Variants in NAA25 observed in about 807,000 individuals in gnomAD.
NAA25 encodes the protein N-alpha-acetyltransferase 25, NatB auxiliary subunit, also known as N-terminal acetyltransferase B complex subunit NAA25.
NAA25 carries 30 observed loss-of-function variants against 132.5 expected under a neutral mutation model. The observed-to-expected ratio is 0.23, with a 90% CI of 0.17 to 0.31. NAA25 has a LOEUF of 0.31. Among genes scored for constraint, NAA25 ranks in the 10% least tolerant of loss-of-function variants. The probability of loss-of-function intolerance (pLI) is 1.00; values close to 1 mark genes in which losing one functional copy is unlikely to be tolerated. For missense variants in NAA25, 771 were observed against 1,150.4 expected (o/e 0.67, Z 4.77); for synonymous variants, 359 against 401.9 (o/e 0.89, Z 1.28).
intron 1 of NAA25, 67 bp downstream of exon 1, chr12:112,108,649 C>T (rs1245864193): frequency 2.3e-5 from 32 of 1,367,052 alleles, no homozygotes; most frequent in Non-Finnish European, 3.0e-5. Flanking sequence ...CCCTCCTGGG[C>T]TTTCGCCCCA....
At chr12:112,098,119 C>CAAAAAA (rs60232542) in intron 1 of NAA25, among the ~76,000 whole-genome samples, 3 of 54,152 alleles carry the variant, frequency 5.5e-5, no homozygotes, top group African/African-American at 1.8e-4. Context: ...GACTCCATCT[C>CAAAAAA]AAAAAAAAAA....
chr12:112,067,904 T>C (rs532754463), intron 11 of NAA25, among the ~76,000 whole-genome samples: 7 of 151,890 alleles, frequency 4.6e-5, no homozygotes, highest in African/African-American at 1.7e-4. Flanking sequence ...CCCAGCTAAT[T>C]TTTTGTATTT....
chr12:112,096,093 T>C (rs2079209551), intron 1 of NAA25, among the ~76,000 whole-genome samples: 1 of 152,232 alleles, frequency 6.6e-6, no homozygotes, highest in Admixed American at 6.5e-5. Flanking sequence ...GGGAACTCTG[T>C]ACTTTCTACT....
At chr12:112,072,142 T>A in intron 9 of NAA25, 78 bp from the exon 10 acceptor site, 1 of 1,196,970 alleles carries the variant, frequency 8.4e-7, no homozygotes, top group African/African-American at 1.5e-5. Flanking sequence ...CCAAACTCAT[T>A]TAAAAAGAGA....
intron 5 of NAA25, among the ~76,000 whole-genome samples, chr12:112,079,998 G>A (rs1266807171): frequency 6.6e-6 from 1 of 151,846 alleles, no homozygotes; most frequent in Non-Finnish European, 1.5e-5. Flanking sequence ...GAATACTCAA[G>A]GGCCAGGCGC....
At chr12:112,073,866 G>A (rs1044324278) in intron 9 of NAA25, among the ~76,000 whole-genome samples, 1 of 151,998 alleles carries the variant, frequency 6.6e-6, no homozygotes, top group African/African-American at 2.4e-5. Context: ...CATCAATAGG[G>A]AAAATGCTAA....
chr12:112,104,165 G>A (rs2079330571), intron 1 of NAA25, among the ~76,000 whole-genome samples: 1 of 152,164 alleles, frequency 6.6e-6, no homozygotes, highest in Non-Finnish European at 1.5e-5. Flanking sequence ...CCTGATCCAG[G>A]CTAATCCAAG....
At chr12:112,071,841 G>C in intron 10 of NAA25, 54 bp downstream of exon 10, 2 of 1,127,882 alleles carry the variant, frequency 1.8e-6, no homozygotes, top group Non-Finnish European at 2.3e-6. Context: ...AATGAATATA[G>C]CACTTGGGTA....
intron 6 of NAA25, 90 bp from the exon 7 acceptor site, chr12:112,078,356 A>G (rs2078922594): frequency 1.1e-6 from 1 of 949,988 alleles, no homozygotes. Flanking sequence ...GTTATTTAAT[A>G]GAGCATGTCT....
At chr12:112,060,380 ATC>A in intron 12 of NAA25, 21 bp from the exon 13 acceptor site, 1 of 1,522,120 alleles carries the variant, frequency 6.6e-7, no homozygotes, top group Non-Finnish European at 9.1e-7. Context: ...AAAAAATCAT[ATC>A]TATTTTAACA....
rs755837808 is a variant in NAA25 at position 112,082,398 on chromosome 12, T to TAC, written c.403-1266_403-1265dup. On this transcript the variant is annotated intron_variant, in intron 4 of 23. Coordinates refer to ENST00000261745, the MANE Select transcript of NAA25 (RefSeq NM_024953.4). The stretch of plus-strand genomic sequence containing the variant: ...CAGCCTGGGCAACATTGTAAAACCT[T>TAC]ACACACACACATATATATGTATGTT... 2.6e-5 allele frequency among the ~76,000 whole-genome samples: 4 copies of TAC among 151,730 alleles called. No individual in the cohort carries two copies. The South Asian group carries it at 6.2e-4, about 24-fold the overall frequency.
intron 23 of NAA25, 62 bp downstream of exon 23, chr12:112,033,167 TGAGA>T (rs374045150): frequency 6.9e-7 from 1 of 1,450,360 alleles, no homozygotes; most frequent in Non-Finnish European, 9.2e-7. Context: ...GTGATAAAGA[TGAGA>T]GAGAGAGACA....
In NAA25 at chr12:112,049,704, G is replaced by T; in HGVS notation, c.1729-1261C>A. On this transcript the variant is annotated intron_variant, in intron 15 of 23. Transcript: ENST00000261745. The surrounding 1 kb of genome is among the most constrained non-coding windows in gnomAD (Gnocchi z 4.7). ...AGAAGGACTACCTGAAAAAGCTCGAGTATACCTTCTAGCTTGATTAAAGGA... is the reference window on the plus strand; with the variant it reads ...AGAAGGACTACCTGAAAAAGCTCGATTATACCTTCTAGCTTGATTAAAGGA... The T allele has an allele frequency of 1.1e-6, 1 of 900,106 alleles. No homozygotes were observed. The highest frequency in any genetic ancestry group is 1.3e-6 in the Non-Finnish European group (1 of 752,064). 55.8% of individuals were successfully genotyped at this position (900,106 alleles called of 1,614,324 possible).
rs1282938855 is a variant in NAA25, at chr12:112,049,416, G to A, written c.1729-973C>T. 4 of 971,472 alleles carry A rather than the reference G, an allele frequency of 4.1e-6. No homozygotes were observed. Among genetic ancestry groups the A allele is most frequent in the Non-Finnish European group, 4.9e-6 (4 of 816,914 alleles). The allele number at this position is 971,472 out of a possible 1,614,324, so 60.2% of individuals were successfully genotyped here. Reference sequence around the variant, plus strand: ...TACACAGCCTCAGTTAATCAGCTCTGCCCCCATCTCCATTACGTCTGAATA... The same window carrying A: ...TACACAGCCTCAGTTAATCAGCTCTACCCCCATCTCCATTACGTCTGAATA... On this transcript the variant is annotated intron_variant, in intron 15 of 23. Coordinates refer to ENST00000261745, the MANE Select transcript of NAA25 (RefSeq NM_024953.4). The surrounding 1 kb of genome is among the most constrained non-coding windows in gnomAD (Gnocchi z 4.7).
Position 112,072,042 on chromosome 12 carries a change from A to G in NAA25, c.889T>C (p.Tyr297His), listed in dbSNP as rs1430225811. 1 of 1,613,554 alleles carries G rather than the reference A, an allele frequency of 6.2e-7. No individual in the cohort carries two copies. Among genetic ancestry groups the G allele is most frequent in the African/African-American group, 1.3e-5 (1 of 74,894 alleles). The change falls in exon 10 of 24, where the codon TAT (tyrosine) becomes CAT (histidine). Residue 297 changes from tyrosine to histidine, a missense_variant. Transcript: ENST00000261745. ...GEHSLEGEVHYSAEKAVKFIE... is the reference protein window; with the variant it reads ...GEHSLEGEVHHSAEKAVKFIE... Reference sequence around the variant, plus strand: ...AACTTCACAGCTTTTTCTGCAGAATAATGTACTTCTCCTTCTAAAGAGCTG... The same window carrying G: ...AACTTCACAGCTTTTTCTGCAGAATGATGTACTTCTCCTTCTAAAGAGCTG...
Position 112,028,469 on chromosome 12 carries a change from G to GA in NAA25, c.*1061dup, listed in dbSNP as rs1359480805. On this transcript the variant is annotated 3_prime_UTR_variant, in exon 24 of 24. Transcript: ENST00000261745. ...CCTGTTATAATTCTCTAAGTTTGAAGAAAGTAGTCCAAACCTCAAACCCAC... is the reference window on the plus strand; with the variant it reads ...CCTGTTATAATTCTCTAAGTTTGAAGAAAAGTAGTCCAAACCTCAAACCCAC... 1 of 152,280 alleles carries GA rather than the reference G, an allele frequency of 6.6e-6. No homozygotes were observed. The highest frequency in any genetic ancestry group is 2.4e-5 in the African/African-American group (1 of 41,418). 9.4% of individuals were successfully genotyped at this position (152,280 alleles called of 1,614,324 possible). A position where few individuals can be genotyped will look rare whatever the true frequency, so the allele number is the denominator to read the frequency against.
At chr12:112,099,240 G>C (rs1288370002) in intron 1 of NAA25, among the ~76,000 whole-genome samples, 1 of 151,288 alleles carries the variant, frequency 6.6e-6, no homozygotes, top group African/African-American at 2.4e-5. Context: ...CGTCTGCCTC[G>C]GTCTCCCAAA....
Position 112,027,760 on chromosome 12 carries a change from C to G in NAA25, c.*1771G>C, listed in dbSNP as rs909369670. 2.1e-4 allele frequency: 32 copies of G among 152,256 alleles called. No homozygotes were observed. Among genetic ancestry groups the G allele is most frequent in the African/African-American group, 7.5e-4 (31 of 41,442 alleles). The allele number at this position is 152,256 out of a possible 1,614,324, so 9.4% of individuals were successfully genotyped here. The stretch of plus-strand genomic sequence containing the variant: ...ACACGCCATACACATGTACCCCACC[C>G]TCCCCAGCAGACACACACAAAGTTC... On this transcript the variant is annotated 3_prime_UTR_variant, in exon 24 of 24. Transcript: ENST00000261745.
At chr12:112,100,524 G>A (rs552000541) in intron 1 of NAA25, among the ~76,000 whole-genome samples, 55 of 151,470 alleles carry the variant, frequency 3.6e-4, no homozygotes, top group African/African-American at 1.3e-3. Context: ...TTTTTTACAT[G>A]CACACCTTAT....
Sources: gnomAD v4.1 joint callset for allele counts (sites outside exome capture counted in the v4.1 genomes callset) on GRCh38, gnomAD v4.1.1 for gene constraint, Gnocchi (gnomAD v3.1) non-coding constraint, MANE v1.5 for transcripts, NCBI Gene and HGNC (gene_info 2026-07-23, HGNC 2026-07-21) for gene names.